Variants in AQP9 observed in about 807,000 individuals in gnomAD.
AQP9 encodes aquaporin 9.
AQP9 carries 19 observed loss-of-function variants against 23.8 expected under a neutral mutation model. The ratio of observed to expected loss-of-function variants is 0.80; its 90% CI spans 0.56 to 1.17. AQP9 has a LOEUF of 1.17. AQP9 is among the 50% of genes most tolerant of loss of function. The probability of loss-of-function intolerance (pLI) is 0.00; values close to 1 mark genes in which losing one functional copy is unlikely to be tolerated. For missense variants in AQP9, 413 were observed against 362.0 expected, an observed-to-expected ratio of 1.14 and a Z score of -1.14; for synonymous variants, 153 against 131.5, an observed-to-expected ratio of 1.16 and a Z score of -1.12.
chr15:58,169,693 T>G (rs1388659731), intron 2 of AQP9, among the ~76,000 whole-genome samples: 1 of 152,184 alleles, frequency 6.6e-6, no homozygotes, highest in Non-Finnish European at 1.5e-5. Context: ...ATATAAAACA[T>G]CACCTTATTG....
intron 3 of AQP9, 127 bp downstream of exon 3, chr15:58,173,332 A>G: frequency 7.5e-7 from 1 of 1,335,308 alleles, no homozygotes; most frequent in Non-Finnish European, 1.0e-6. Context: ...AGCAAGTTCT[A>G]AATTTGAGAA....
At chr15:58,154,201 A>G (rs1898202629) in intron 1 of AQP9, 1 of 152,014 alleles carries the variant, frequency 6.6e-6, no homozygotes, top group Admixed American at 6.6e-5. Flanking sequence ...AGCTCCCCCA[A>G]CTCAAGTCTA....
At chr15:58,164,952 A>T (rs1162861074) in intron 1 of AQP9, among the ~76,000 whole-genome samples, 2 of 152,176 alleles carry the variant, frequency 1.3e-5, no homozygotes, top group Non-Finnish European at 2.9e-5. Flanking sequence ...GAAAAGACTC[A>T]ATAGTAGGTT....
chr15:58,164,215 A>C (rs1898449423), intron 1 of AQP9: 1 of 152,136 alleles, frequency 6.6e-6, no homozygotes, highest in Non-Finnish European at 1.5e-5. Context: ...GACCCACTTG[A>C]GCCATTTAAA....
rs755761298 is a variant in AQP9, at chr15:58,166,720, T to G, written c.159T>G (p.Arg53=). 1 of 1,613,862 alleles carries G rather than the reference T, an allele frequency of 6.2e-7. No individual in the cohort carries two copies. The highest frequency in any genetic ancestry group is 2.2e-5 in the East Asian group (1 of 44,876). ...CCCAAGCTATTCTCAGTCGAGGACG[T>G]TTTGGAGGGGTCATCACTATCAATG... ...CVAQAILSRG[R]FGGVITINVG... The change falls in exon 2 of 6, where the codon CGT becomes CGG. Residue 53 remains arginine, a synonymous_variant. Coordinates refer to ENST00000219919, the MANE Select transcript of AQP9 (RefSeq NM_020980.5).
intron 1 of AQP9, among the ~76,000 whole-genome samples, chr15:58,166,444 T>G (rs1394740799): frequency 1.3e-5 from 2 of 152,230 alleles, no homozygotes; most frequent in Admixed American, 6.5e-5. Context: ...GTAGGCAAAA[T>G]CTGAGCATTG....
At chr15:58,166,903 T>C (rs747512152) in intron 2 of AQP9, 104 bp downstream of exon 2, 97 of 1,413,896 alleles carry the variant, frequency 6.9e-5, no homozygotes, top group Non-Finnish European at 8.9e-5. Flanking sequence ...ATCTCAAAAA[T>C]CCTGCAAGAG....
intron 1 of AQP9, among the ~76,000 whole-genome samples, chr15:58,140,377 G>C (rs1487098937): frequency 6.6e-6 from 1 of 152,060 alleles, no homozygotes; most frequent in Non-Finnish European, 1.5e-5. Flanking sequence ...AGAACATCTT[G>C]ATATTGTCTG....
At chr15:58,147,055 G>T (rs929274719) in intron 1 of AQP9, among the ~76,000 whole-genome samples, 2 of 152,150 alleles carry the variant, frequency 1.3e-5, no homozygotes, top group South Asian at 4.1e-4. Context: ...GTTTCAAGGC[G>T]CTTGGGAGAA....
chr15:58,171,119 C>T (rs1399328995), intron 2 of AQP9, among the ~76,000 whole-genome samples: 23 of 137,820 alleles, frequency 1.7e-4, no homozygotes, highest in East Asian at 1.7e-3. Flanking sequence ...GACGGAGTTT[C>T]GCTCGTTGCC....
At chr15:58,175,498 C>A (rs1180210561) in intron 4 of AQP9, among the ~76,000 whole-genome samples, 1 of 152,198 alleles carries the variant, frequency 6.6e-6, no homozygotes, top group Non-Finnish European at 1.5e-5. Flanking sequence ...CTCAAGGTGG[C>A]TAGAAGTATC....
intron 4 of AQP9, among the ~76,000 whole-genome samples, chr15:58,176,569 A>G (rs774440255): frequency 5.9e-5 from 9 of 151,934 alleles, no homozygotes; most frequent in Non-Finnish European, 1.0e-4. Flanking sequence ...AGCAGAGAGC[A>G]TAGAAGAGCG....
intron 1 of AQP9, chr15:58,153,161 G>T (rs1181945010): frequency 6.6e-6 from 1 of 152,130 alleles, no homozygotes; most frequent in East Asian, 1.9e-4. Context: ...GCTATAGCAT[G>T]ATTCCTCTTA....
chr15:58,163,102 G>C (rs1168038315), intron 1 of AQP9, among the ~76,000 whole-genome samples: 1 of 152,206 alleles, frequency 6.6e-6, no homozygotes, highest in African/African-American at 2.4e-5. Flanking sequence ...GTGCCGATGA[G>C]AGAAGAGAAG....
At chr15:58,171,608 G>A (rs1898622974) in intron 2 of AQP9, among the ~76,000 whole-genome samples, 1 of 152,170 alleles carries the variant, frequency 6.6e-6, no homozygotes, top group Non-Finnish European at 1.5e-5. Flanking sequence ...TGTTTATAAG[G>A]CTTTAGGAAA....
intron 1 of AQP9, chr15:58,153,192 T>G (rs1371277641): frequency 2.6e-5 from 4 of 152,108 alleles, no homozygotes; most frequent in Non-Finnish European, 5.9e-5. Flanking sequence ...CATGAGAGCG[T>G]CAACAAATAT....
At chr15:58,158,475 A>G (rs1351185182) in intron 1 of AQP9, among the ~76,000 whole-genome samples, 2 of 152,198 alleles carry the variant, frequency 1.3e-5, no homozygotes, top group Non-Finnish European at 2.9e-5. Context: ...TATAACTGTT[A>G]AGTTAATAAT....
chr15:58,173,323 G>T, intron 3 of AQP9, 118 bp downstream of exon 3: 1 of 1,424,990 alleles, frequency 7.0e-7, no homozygotes, highest in Non-Finnish European at 9.5e-7. Flanking sequence ...ACAAGTGACA[G>T]CAAGTTCTAA....
chr15:58,151,432 T>C (rs140820719), intron 1 of AQP9: 28 of 152,234 alleles, frequency 1.8e-4, no homozygotes, highest in African/African-American at 6.5e-4. Context: ...TCAGCCTCAT[T>C]ACTATATCTT....
Sources: allele counts gnomAD v4.1 joint callset (sites outside exome capture counted in the v4.1 genomes callset), GRCh38; gene constraint gnomAD v4.1.1; transcripts MANE v1.5; gene names NCBI Gene and HGNC (gene_info 2026-07-23, HGNC 2026-07-21).